The following ERBB4 variants were observed in gnomAD, a reference collection of about 807,000 sequenced individuals.
The protein encoded by ERBB4 is erb-b2 receptor tyrosine kinase 4.
In ERBB4, 42 loss-of-function variants were observed where a neutral mutation model predicts 158.0. That is an observed-to-expected ratio of 0.27 (90% confidence interval 0.21 to 0.34). The LOEUF (loss-of-function observed/expected upper bound fraction) is 0.34. Ranked by LOEUF, ERBB4 falls within the 10% of genes least tolerant of loss-of-function variation. The pLI, the probability that ERBB4 is intolerant of heterozygous loss-of-function variation, is 1.00. For missense variants in ERBB4, 1,333 were observed against 1,624.1 expected (o/e 0.82, Z 3.08); for synonymous variants, 583 against 558.7 (o/e 1.04, Z -0.61).
At chr2:212,073,524 A>AT (rs1327584048) in intron 2 of ERBB4, among the ~76,000 whole-genome samples, 1 of 151,956 alleles carries the variant, frequency 6.6e-6, no homozygotes, top group Non-Finnish European at 1.5e-5. Flanking sequence ...CCAGGTAGCT[A>AT]GTCACCCTGC....
chr2:212,089,327 G>A (rs1055482651), intron 2 of ERBB4, among the ~76,000 whole-genome samples: 1 of 152,118 alleles, frequency 6.6e-6, no homozygotes, highest in African/African-American at 2.4e-5. Context: ...CAACTTTTGG[G>A]ATAGTGGTTA....
intron 1 of ERBB4, among the ~76,000 whole-genome samples, chr2:212,536,019 ATTTG>A (rs748130790): frequency 7.9e-5 from 12 of 152,260 alleles, no homozygotes; most frequent in Admixed American, 3.9e-4. Flanking sequence ...CGTTTCCTTA[ATTTG>A]TTTCATCTAA....
intron 3 of ERBB4, among the ~76,000 whole-genome samples, chr2:211,859,900 C>T (rs1485844527): frequency 2.0e-5 from 3 of 152,110 alleles, no homozygotes; most frequent in Non-Finnish European, 4.4e-5. Context: ...AACTTCTTTT[C>T]CTATTTCTGG....
At chr2:211,837,373 A>G (rs1257855278) in intron 3 of ERBB4, among the ~76,000 whole-genome samples, 1 of 152,244 alleles carries the variant, frequency 6.6e-6, no homozygotes, top group Admixed American at 6.6e-5. Context: ...ACTCCTCTCA[A>G]GTACATAAAG....
At chr2:212,338,042 T>A (rs925119570) in intron 1 of ERBB4, among the ~76,000 whole-genome samples, 8 of 152,124 alleles carry the variant, frequency 5.3e-5, no homozygotes, top group African/African-American at 1.9e-4. Flanking sequence ...GGGCAGACTT[T>A]ATGTCATACT....
intron 19 of ERBB4, among the ~76,000 whole-genome samples, chr2:211,562,544 G>T (rs1479097220): frequency 2.6e-5 from 4 of 152,072 alleles, no homozygotes; most frequent in Admixed American, 6.5e-5. Context: ...GAGTTGGACA[G>T]CTTACAACGG....
chr2:212,164,149 G>A (rs1353833681), intron 1 of ERBB4, among the ~76,000 whole-genome samples: 1 of 151,754 alleles, frequency 6.6e-6, no homozygotes, highest in East Asian at 1.9e-4. Context: ...ATATAACAAA[G>A]GTTAAAGTTA....
chr2:211,558,158 G>C (rs2067289254), intron 20 of ERBB4, among the ~76,000 whole-genome samples: 1 of 152,170 alleles, frequency 6.6e-6, no homozygotes, highest in African/African-American at 2.4e-5. Context: ...TTACAGCTCT[G>C]TAGGTTGGAA....
chr2:211,956,371 C>T (rs2081032862), intron 2 of ERBB4, among the ~76,000 whole-genome samples: 1 of 152,034 alleles, frequency 6.6e-6, no homozygotes, highest in African/African-American at 2.4e-5. Flanking sequence ...TGAAGCTATA[C>T]CTGAATCAAA....
chr2:212,272,191 C>A (rs73986916), intron 1 of ERBB4, among the ~76,000 whole-genome samples: 6,069 of 151,752 alleles, frequency 0.04, 399 homozygotes, highest in African/African-American at 0.14. Flanking sequence ...TATATTCTAA[C>A]ATACACACAC....
chr2:211,688,783 C>T (rs2105989415), intron 12 of ERBB4, among the ~76,000 whole-genome samples: 2 of 152,206 alleles, frequency 1.3e-5, no homozygotes, highest in African/African-American at 4.8e-5. Context: ...TTCTAATTAA[C>T]TTTGTAGTTA....
intron 1 of ERBB4, among the ~76,000 whole-genome samples, chr2:212,272,309 G>A (rs1377606088): frequency 4.6e-5 from 7 of 151,656 alleles, no homozygotes; most frequent in Non-Finnish European, 1.0e-4. Context: ...CAGTCCAGAA[G>A]TATACACAAA....
chr2:211,729,640 G>A (rs1478614268), intron 5 of ERBB4, among the ~76,000 whole-genome samples: 1 of 151,728 alleles, frequency 6.6e-6, no homozygotes, highest in African/African-American at 2.4e-5. Context: ...TGATTAATAA[G>A]CATTATTTAA....
At chr2:212,411,104 C>T (rs1160108137) in intron 1 of ERBB4, among the ~76,000 whole-genome samples, 2 of 151,876 alleles carry the variant, frequency 1.3e-5, no homozygotes, top group Admixed American at 6.6e-5. Context: ...AAACACAGCT[C>T]AAGTTGAAGT....
intron 3 of ERBB4, among the ~76,000 whole-genome samples, chr2:211,844,351 C>T (rs756038708): frequency 1.3e-5 from 2 of 152,100 alleles, no homozygotes; most frequent in Non-Finnish European, 2.9e-5. Flanking sequence ...TTTCACTTAT[C>T]TTCATAACCA....
At position 211,852,636 on chromosome 2, in the gene ERBB4, C is replaced by CTTTT. The variant is rs10640429; in HGVS notation, c.422-64481_422-64478dup. On this transcript the variant is annotated intron_variant, in intron 3 of 27. Transcript: ENST00000342788. ...TTACTGTACATGGTACAATGGCCAA[C>CTTTT]TTTTTTTTTTTTTTTGCCGTTGCCA... Among the ~76,000 whole-genome samples the CTTTT allele has an allele frequency of 4.1e-3, 570 of 138,828 alleles. 19 individuals are homozygous for CTTTT. Among genetic ancestry groups the CTTTT allele is most frequent in the Admixed American group, 0.026 (371 of 14,012 alleles). The allele number at this position is 138,828 out of a possible 152,430, so 91.1% of individuals were successfully genotyped here.
At chr2:212,337,070 C>A (rs1479829341) in intron 1 of ERBB4, among the ~76,000 whole-genome samples, 1 of 152,030 alleles carries the variant, frequency 6.6e-6, no homozygotes, top group African/African-American at 2.4e-5. Context: ...TCCAGCATAC[C>A]ATAACTTAAC....
chr2:211,821,336 G>A (rs1215999966), intron 3 of ERBB4, among the ~76,000 whole-genome samples: 4 of 151,594 alleles, frequency 2.6e-5, no homozygotes, highest in Non-Finnish European at 5.9e-5. Context: ...ATTGGACAAG[G>A]AAAACTACAA....
At chr2:211,598,307 G>GA (rs2068698293) in intron 19 of ERBB4, among the ~76,000 whole-genome samples, 10 of 152,094 alleles carry the variant, frequency 6.6e-5, no homozygotes, top group Admixed American at 1.3e-4. Flanking sequence ...GCTTGAACTG[G>GA]AAAAAATGAA....
Sources: gnomAD v4.1 joint callset for allele counts (sites outside exome capture counted in the v4.1 genomes callset) on GRCh38, gnomAD v4.1.1 for gene constraint, MANE v1.5 for transcripts, NCBI Gene and HGNC (gene_info 2026-07-23, HGNC 2026-07-21) for gene names.